Variants in PDE10A observed in about 807,000 individuals in gnomAD.
PDE10A encodes the protein phosphodiesterase 10A, also known as cAMP and cAMP-inhibited cGMP 3',5'-cyclic phosphodiesterase 10A.
A neutral mutation model predicts 97.7 loss-of-function variants in PDE10A; 39 were observed. That is an observed-to-expected ratio of 0.40 (90% CI 0.31 to 0.52). The LOEUF is 0.52. Among genes scored for constraint, PDE10A ranks in the 20% least tolerant of loss-of-function variants. PDE10A has a pLI of 0.56. For missense variants in PDE10A, 731 were observed against 1,047.8 expected, an observed-to-expected ratio of 0.70 and a Z score of 4.17; for synonymous variants, 371 against 376.8, an observed-to-expected ratio of 0.98 and a Z score of 0.18.
At chr6:165,742,797 C>T (rs1003617177) in intron 1 of PDE10A, among the ~76,000 whole-genome samples, 3 of 152,116 alleles carry the variant, frequency 2.0e-5, no homozygotes, top group Admixed American at 6.5e-5. Context: ...CCACCCCCTA[C>T]GTCCCACTGC....
chr6:165,367,671 A>G (rs949075671), intron 18 of PDE10A, among the ~76,000 whole-genome samples: 1 of 152,070 alleles, frequency 6.6e-6, no homozygotes, highest in Non-Finnish European at 1.5e-5. Flanking sequence ...GAAAAAAAAA[A>G]AGACAGAGGC....
At chr6:165,746,927 G>T (rs1792856816) in intron 1 of PDE10A, among the ~76,000 whole-genome samples, 1 of 152,134 alleles carries the variant, frequency 6.6e-6, no homozygotes, top group Admixed American at 6.5e-5. Flanking sequence ...ATATATCACT[G>T]GTGATAATTT....
chr6:165,610,473 G>A (rs192103216), intron 1 of PDE10A, among the ~76,000 whole-genome samples: 213 of 151,232 alleles, frequency 1.4e-3, no homozygotes, highest in Non-Finnish European at 2.1e-3. Context: ...GGAGCTTGCC[G>A]TGAGCTGAGA....
intron 2 of PDE10A, among the ~76,000 whole-genome samples, chr6:165,536,673 T>C (rs1251770830): frequency 6.6e-6 from 1 of 150,514 alleles, no homozygotes; most frequent in Non-Finnish European, 1.5e-5. Context: ...GAGAAAGACA[T>C]ACAAATACCC....
At chr6:165,546,707 G>T (rs1783760062) in intron 1 of PDE10A, among the ~76,000 whole-genome samples, 1 of 152,072 alleles carries the variant, frequency 6.6e-6, no homozygotes, top group African/African-American at 2.4e-5. Flanking sequence ...AGATGGTGGG[G>T]ACAAGATTTC....
chr6:165,470,336 G>A (rs1022257199), intron 3 of PDE10A, among the ~76,000 whole-genome samples: 1 of 152,116 alleles, frequency 6.6e-6, no homozygotes, highest in African/African-American at 2.4e-5. Context: ...CCTTCTGTAC[G>A]GTCAACTGCA....
chr6:165,357,584 G>A (rs1023313655), intron 18 of PDE10A, among the ~76,000 whole-genome samples: 1 of 151,914 alleles, frequency 6.6e-6, no homozygotes, highest in Non-Finnish European at 1.5e-5. Flanking sequence ...GTTCTTTTTG[G>A]TTCAAGTATA....
At chr6:165,666,804 C>G (rs1009769338), upstream of PDE10A, among the ~76,000 whole-genome samples, 7 of 152,194 alleles carry the variant, frequency 4.6e-5, no homozygotes, top group African/African-American at 1.7e-4. Flanking sequence ...TGGGGTAAGT[C>G]TCTTGTTAAG....
chr6:165,884,708 C>G (rs192947857), intron 1 of PDE10A, among the ~76,000 whole-genome samples: 1 of 152,286 alleles, frequency 6.6e-6, no homozygotes. Flanking sequence ...CTTGCAGACA[C>G]TTAAAGAGGA....
intron 1 of PDE10A, among the ~76,000 whole-genome samples, chr6:165,600,828 T>G (rs1267142153): frequency 6.6e-6 from 1 of 152,088 alleles, no homozygotes; most frequent in Non-Finnish European, 1.5e-5. Flanking sequence ...TCTGACATGA[T>G]TGTATCAAGT....
intron 2 of PDE10A, among the ~76,000 whole-genome samples, chr6:165,505,438 T>C (rs1216484096): frequency 6.6e-6 from 1 of 152,216 alleles, no homozygotes; most frequent in East Asian, 1.9e-4. Context: ...TATACCATTT[T>C]GTGATTAAAC....
chr6:165,695,112 C>T (rs999343368), intron 1 of PDE10A, among the ~76,000 whole-genome samples: 12 of 150,760 alleles, frequency 8.0e-5, no homozygotes, highest in African/African-American at 2.9e-4. Context: ...AAACAATATG[C>T]ATAATATTAA....
At chr6:165,803,079 A>G (rs1779024549) in intron 1 of PDE10A, among the ~76,000 whole-genome samples, 1 of 152,208 alleles carries the variant, frequency 6.6e-6, no homozygotes, top group Non-Finnish European at 1.5e-5. Flanking sequence ...TGAGTCATAG[A>G]TGGAAGAAAT....
chr6:165,443,020 G>C (rs920513591), intron 5 of PDE10A, among the ~76,000 whole-genome samples: 1 of 149,016 alleles, frequency 6.7e-6, no homozygotes, highest in South Asian at 2.1e-4. Flanking sequence ...GTTGAGACAG[G>C]AGAACTGCTT....
At chr6:165,345,935 C>G (rs982335668) in intron 18 of PDE10A, among the ~76,000 whole-genome samples, 11 of 152,078 alleles carry the variant, frequency 7.2e-5, no homozygotes, top group African/African-American at 2.4e-4. Context: ...GAAGGTCCAG[C>G]AGAGAGGAGT....
intron 21 of PDE10A, among the ~76,000 whole-genome samples, chr6:165,333,914 G>A (rs1277670396): frequency 6.6e-6 from 1 of 152,196 alleles, no homozygotes; most frequent in Non-Finnish European, 1.5e-5. Flanking sequence ...ACTCCTATGA[G>A]ACACAGTTTT....
chr6:165,439,744 C>A (rs1281130669), intron 5 of PDE10A, among the ~76,000 whole-genome samples: 3 of 152,074 alleles, frequency 2.0e-5, no homozygotes, highest in African/African-American at 7.2e-5. Flanking sequence ...AAGTCATAAT[C>A]AATAGGTTGG....
intron 1 of PDE10A, among the ~76,000 whole-genome samples, chr6:165,563,775 C>A (rs898258246): frequency 1.1e-4 from 17 of 151,942 alleles, no homozygotes; most frequent in Non-Finnish European, 2.4e-4. Flanking sequence ...CCTGTGATCC[C>A]AGCTACTTGG....
At chr6:165,934,981 T>A (rs1783276289) in intron 1 of PDE10A, among the ~76,000 whole-genome samples, 1 of 152,126 alleles carries the variant, frequency 6.6e-6, no homozygotes, top group Non-Finnish European at 1.5e-5. Flanking sequence ...AATTTGGGGC[T>A]CAAAAAGATT....
Sources: gnomAD v4.1 joint callset for allele counts (sites outside exome capture counted in the v4.1 genomes callset) on GRCh38, gnomAD v4.1.1 for gene constraint, MANE v1.5 for transcripts, NCBI Gene and HGNC (gene_info 2026-07-23, HGNC 2026-07-21) for gene names.